The following ZNF600 variants were observed in gnomAD, a reference collection of about 807,000 sequenced individuals.
The protein encoded by ZNF600 is zinc finger protein 600, also known as zinc finger protein KR-ZNF1.
Under a neutral mutation model 7.3 loss-of-function variants are expected in ZNF600, and 4 were observed. That is an observed-to-expected ratio of 0.55 (90% CI 0.27 to 1.25). The LOEUF (loss-of-function observed/expected upper bound fraction) is 1.25. Ranked by LOEUF, ZNF600 falls within the 50% of genes most tolerant of loss-of-function variation. The probability of loss-of-function intolerance (pLI) is 0.12; values close to 1 mark genes in which losing one functional copy is unlikely to be tolerated. For missense variants in ZNF600, 911 were observed against 922.1 expected (o/e 0.99, Z 0.16); for synonymous variants, 290 against 308.9 (o/e 0.94, Z 0.64).
At chr19:52,807,086 C>T in the ZNF600 span, among the ~76,000 whole-genome samples, 5 of 152,158 alleles carry the variant, frequency 3.3e-5, no homozygotes, top group African/African-American at 7.2e-5. Flanking sequence ...TGAGCTCTTA[C>T]CTGCGTTTGC....
chr19:52,767,185 T>C, exon 4 of ZNF600: 1 of 1,614,188 alleles, frequency 6.2e-7, no homozygotes, highest in Non-Finnish European at 8.5e-7. Flanking sequence ...ACATCACATT[T>C]ATATTGTTTG....
chr19:52,803,109 T>C, the ZNF600 span, among the ~76,000 whole-genome samples: 1 of 151,934 alleles, frequency 6.6e-6, no homozygotes, highest in African/African-American at 2.4e-5. Flanking sequence ...AGATACAGTG[T>C]CACTCTGTCA....
intron 3 of ZNF600, among the ~76,000 whole-genome samples, chr19:52,769,634 G>A (rs1473567695): frequency 4.6e-5 from 7 of 152,144 alleles, no homozygotes; most frequent in African/African-American, 1.4e-4. Context: ...CCCGGGCCCA[G>A]CTGTCTTTTC....
the ZNF600 span, among the ~76,000 whole-genome samples, chr19:52,819,702 T>A: frequency 9.1e-5 from 13 of 142,672 alleles, no homozygotes; most frequent in Non-Finnish European, 1.8e-4. Context: ...TGGGATGGAC[T>A]GGTCTTATCA....
At chr19:52,767,082 T>G (rs139115401) in exon 4 of ZNF600, 21 of 1,614,054 alleles carry the variant, frequency 1.3e-5, no homozygotes, top group Non-Finnish European at 1.7e-5. Flanking sequence ...ACTGAAGGAC[T>G]TTCCACACTC....
the ZNF600 span, among the ~76,000 whole-genome samples, chr19:52,810,898 CCTCCCTCTCCCT>C: frequency 3.2e-4 from 4 of 12,648 alleles, no homozygotes; most frequent in Non-Finnish European, 7.9e-4. Flanking sequence ...TCCCCCTCCC[CCTCCCTCTCCCT>C]CTCCCTCCAC....
chr19:52,810,567 G>T, the ZNF600 span: 4 of 1,593,594 alleles, frequency 2.5e-6, no homozygotes, highest in Admixed American at 6.7e-5. Context: ...ACAGACCGGG[G>T]TCTTCCACGA....
the ZNF600 span, among the ~76,000 whole-genome samples, chr19:52,815,554 G>C: frequency 6.8e-6 from 1 of 146,360 alleles, no homozygotes; most frequent in East Asian, 2.0e-4. Flanking sequence ...TCTGGGCGTG[G>C]TGGCTCACGC....
At chr19:52,790,055 G>A (rs565683052), upstream of ZNF600, among the ~76,000 whole-genome samples, 48 of 152,308 alleles carry the variant, frequency 3.2e-4, no homozygotes, top group African/African-American at 9.4e-4. Context: ...CATCACTTAA[G>A]GCAAGGACCG....
At chr19:52,824,716 G>A in the ZNF600 span, among the ~76,000 whole-genome samples, 2 of 152,074 alleles carry the variant, frequency 1.3e-5, no homozygotes, top group Non-Finnish European at 2.9e-5. Flanking sequence ...CAGTCTGATT[G>A]GAGAGTGTTC....
rs1568622606 is a variant in ZNF600, at chr19:52,765,786, CTA to C, written c.2175_2176del (p.His725GlnfsTer13). Reference sequence around the variant, plus strand: ...TGGTTTCTTTCCAGGATGAATTCTCCTATGTCTTTTAAGGTGTGATTTGCGAC... The same window carrying C: ...TGGTTTCTTTCCAGGATGAATTCTCCTGTCTTTTAAGGTGTGATTTGCGAC... On this transcript the variant is annotated frameshift_variant, in exon 4 of 4. Transcript: ENST00000648973. LOFTEE classifies it low-confidence loss of function (END_TRUNC). 1.2e-6 allele frequency: 2 copies of C among 1,613,686 alleles called. No individual in the cohort carries two copies. Among genetic ancestry groups the C allele is most frequent in the Non-Finnish European group, 1.7e-6 (2 of 1,179,796 alleles).
chr19:52,789,137 T>C (rs1211029544), upstream of ZNF600, among the ~76,000 whole-genome samples: 2 of 152,214 alleles, frequency 1.3e-5, no homozygotes, highest in African/African-American at 4.8e-5. Flanking sequence ...GAAAAAGTGA[T>C]GTCAGAACAA....
intron 1 of ZNF600, 65 bp from the exon 4 acceptor site, chr19:52,778,972 A>G: frequency 6.8e-7 from 1 of 1,462,764 alleles, no homozygotes. Context: ...TGACAAAACC[A>G]CATGAACAGG....
At chr19:52,794,175 A>C in the ZNF600 span, among the ~76,000 whole-genome samples, 1 of 152,156 alleles carries the variant, frequency 6.6e-6, no homozygotes, top group Admixed American at 6.6e-5. Context: ...AAGGAAAAGC[A>C]GTGGGTGTGG....
chr19:52,808,227 T>G, the ZNF600 span: 1 of 1,555,220 alleles, frequency 6.4e-7, no homozygotes, highest in African/African-American at 1.4e-5. Flanking sequence ...GATTTAGTTG[T>G]AGTGAATGTT....
At chr19:52,809,258 A>C in the ZNF600 span, among the ~76,000 whole-genome samples, 3 of 151,562 alleles carry the variant, frequency 2.0e-5, no homozygotes, top group African/African-American at 7.3e-5. Flanking sequence ...AGTAATGCGG[A>C]CGTGCACAGA....
downstream of ZNF600, chr19:52,764,513 A>G (rs1431989451): frequency 7.1e-6 from 1 of 141,068 alleles, no homozygotes; most frequent in Admixed American, 7.2e-5. Flanking sequence ...TCCAGCTTTG[A>G]TATCCTTTTT....
At chr19:52,807,375 G>A in the ZNF600 span, among the ~76,000 whole-genome samples, 365 of 152,326 alleles carry the variant, frequency 2.4e-3, 1 homozygote, top group African/African-American at 8.3e-3. Context: ...GTAATATGTA[G>A]TATGTGGACA....
chr19:52,790,486 G>A (rs1204088639), upstream of ZNF600, among the ~76,000 whole-genome samples: 1 of 151,978 alleles, frequency 6.6e-6, no homozygotes, highest in Non-Finnish European at 1.5e-5. Context: ...AACAGAGCGA[G>A]ACTCCATTTC....
Sources: gnomAD v4.1 joint callset for allele counts (sites outside exome capture counted in the v4.1 genomes callset) on GRCh38, gnomAD v4.1.1 for gene constraint, MANE v1.5 for transcripts, NCBI Gene and HGNC (gene_info 2026-07-23, HGNC 2026-07-21) for gene names.